Variants in PRELID2 observed in about 807,000 individuals in gnomAD.
PRELID2 encodes the protein PRELI domain-containing protein 2.
In PRELID2, 25 loss-of-function variants were observed where a neutral mutation model predicts 28.4. The observed-to-expected ratio is 0.88, with a 90% CI of 0.64 to 1.23. PRELID2 has a LOEUF of 1.23. PRELID2 is among the 50% of genes most tolerant of loss of function. PRELID2 has a pLI of 0.00. For missense variants in PRELID2, 201 were observed against 214.4 expected (o/e 0.94, Z 0.39); for synonymous variants, 76 against 71.6 (o/e 1.06, Z -0.31).
intron 5 of PRELID2, among the ~76,000 whole-genome samples, chr5:145,788,511 T>G (rs1159987189): frequency 2.0e-5 from 3 of 152,154 alleles, no homozygotes; most frequent in Admixed American, 6.5e-5. Context: ...CATTGGCTGA[T>G]GGTATATATT....
chr5:145,414,240 A>C, the PRELID2 span, among the ~76,000 whole-genome samples: 1 of 152,154 alleles, frequency 6.6e-6, no homozygotes, highest in African/African-American at 2.4e-5. Flanking sequence ...CACAATTCAA[A>C]ATCTCTGGCC....
chr5:145,424,404 A>G, the PRELID2 span, among the ~76,000 whole-genome samples: 1 of 152,006 alleles, frequency 6.6e-6, no homozygotes, highest in Non-Finnish European at 1.5e-5. Context: ...TGAGCGTTGG[A>G]CCCTCCCAGC....
At chr5:145,732,825 G>T (rs1467178169) in intron 1 of PRELID2, among the ~76,000 whole-genome samples, 1 of 152,040 alleles carries the variant, frequency 6.6e-6, no homozygotes, top group African/African-American at 2.4e-5. Flanking sequence ...ATAGCACAGG[G>T]GTAGGAGTGG....
intron 1 of PRELID2, among the ~76,000 whole-genome samples, chr5:145,610,080 A>C (rs1039776443): frequency 2.0e-5 from 3 of 152,182 alleles, no homozygotes; most frequent in African/African-American, 7.2e-5. Context: ...TCTCTGCCTC[A>C]GTATAGAAGT....
chr5:145,622,120 C>T (rs1285866033), intron 1 of PRELID2, among the ~76,000 whole-genome samples: 1 of 152,008 alleles, frequency 6.6e-6, no homozygotes, highest in Non-Finnish European at 1.5e-5. Context: ...CCAGAATAAA[C>T]AAAGCTTTAG....
chr5:145,329,465 G>A, the PRELID2 span, among the ~76,000 whole-genome samples: 1 of 152,216 alleles, frequency 6.6e-6, no homozygotes, highest in East Asian at 1.9e-4. Context: ...TTGAGCACTG[G>A]TTTGTAGTTC....
intron 1 of PRELID2, among the ~76,000 whole-genome samples, chr5:145,509,089 T>C (rs1198345931): frequency 1.3e-5 from 2 of 152,014 alleles, no homozygotes; most frequent in African/African-American, 4.8e-5. Context: ...AGAGATAGAG[T>C]AGGTATTTGC....
At chr5:145,333,026 C>A in the PRELID2 span, among the ~76,000 whole-genome samples, 1 of 152,234 alleles carries the variant, frequency 6.6e-6, no homozygotes, top group Non-Finnish European at 1.5e-5. Flanking sequence ...AGTCAAGCCC[C>A]TCTGCTGCAG....
At chr5:145,674,002 C>T (rs1754763011) in intron 1 of PRELID2, among the ~76,000 whole-genome samples, 3 of 151,930 alleles carry the variant, frequency 2.0e-5, no homozygotes. Flanking sequence ...TAGTGAGTGC[C>T]AATAAAATGT....
intron 1 of PRELID2, among the ~76,000 whole-genome samples, chr5:145,486,785 T>C (rs1397956185): frequency 6.6e-6 from 1 of 152,126 alleles, no homozygotes; most frequent in East Asian, 1.9e-4. Flanking sequence ...TAAAGACACA[T>C]GCACATGTAT....
At chr5:145,722,322 C>T (rs1756012827) in intron 1 of PRELID2, among the ~76,000 whole-genome samples, 1 of 152,090 alleles carries the variant, frequency 6.6e-6, no homozygotes, top group Admixed American at 6.6e-5. Context: ...TTTTCTGAGA[C>T]AGAGTCTCGC....
At chr5:145,278,225 G>C in the PRELID2 span, among the ~76,000 whole-genome samples, 2 of 152,022 alleles carry the variant, frequency 1.3e-5, no homozygotes, top group South Asian at 4.1e-4. Flanking sequence ...ACACAAACCT[G>C]GTGCATTAGT....
chr5:145,611,811 G>A (rs1753621163), intron 1 of PRELID2, among the ~76,000 whole-genome samples: 2 of 152,164 alleles, frequency 1.3e-5, no homozygotes, highest in Admixed American at 1.3e-4. Context: ...CCTAACACGT[G>A]TATGAAATTG....
At chr5:145,663,653 G>T (rs10040204) in intron 1 of PRELID2, among the ~76,000 whole-genome samples, 2,152 of 152,166 alleles carry the variant, frequency 0.014, 52 homozygotes, top group African/African-American at 0.049. Flanking sequence ...ATTAATACGT[G>T]CCACACCAGC....
chr5:145,413,889 A>G, the PRELID2 span, among the ~76,000 whole-genome samples: 1 of 152,150 alleles, frequency 6.6e-6, no homozygotes, highest in East Asian at 1.9e-4. Context: ...TTTTTTTAAG[A>G]CTGAATCATA....
the PRELID2 span, among the ~76,000 whole-genome samples, chr5:145,232,352 T>A: frequency 6.6e-6 from 1 of 152,138 alleles, no homozygotes; most frequent in Admixed American, 6.6e-5. Context: ...AACCTTGAAA[T>A]TCAGTGGCTT....
At chr5:145,819,525 G>A (rs941086284) in intron 3 of PRELID2, 1 of 653,640 alleles carries the variant, frequency 1.5e-6, no homozygotes, top group Non-Finnish European at 2.6e-6. Context: ...TTATACTCTG[G>A]GAAATAACTG....
At chr5:145,426,379 C>T in the PRELID2 span, among the ~76,000 whole-genome samples, 6 of 152,166 alleles carry the variant, frequency 3.9e-5, no homozygotes, top group Non-Finnish European at 7.4e-5. Context: ...TGGAGTAAAA[C>T]TGACTTTCAG....
In PRELID2 at chr5:145,499,867, C is replaced by T. The variant is rs141670432; in HGVS notation, n.71-26552G>A. Among the ~76,000 whole-genome samples the T allele has an allele frequency of 2.2e-3, 342 of 152,336 alleles. 1 individual carries two copies. The highest frequency in any genetic ancestry group is 7.7e-3 in the African/African-American group (322 of 41,598). ...TCTTTTAAAGTCATATAAACAAAGG[C>T]TTTGTGCTGTTACTCCACAAACAAA... On this transcript the variant is annotated intron_variant and non_coding_transcript_variant, in intron 1 of 2. Coordinates refer to the PRELID2 transcript ENST00000510259.
Sources: allele counts gnomAD v4.1 joint callset (sites outside exome capture counted in the v4.1 genomes callset), GRCh38; gene constraint gnomAD v4.1.1; transcripts MANE v1.5; gene names NCBI Gene and HGNC (gene_info 2026-07-23, HGNC 2026-07-21).